Variants in KAT6B observed in about 807,000 individuals in gnomAD.
KAT6B encodes histone acetyltransferase KAT6B.
KAT6B carries 10 observed loss-of-function variants against 187.5 expected under a neutral mutation model. That is an observed-to-expected ratio of 0.05 (90% CI 0.03 to 0.09). The LOEUF (loss-of-function observed/expected upper bound fraction) is 0.09. Among genes scored for constraint, KAT6B ranks in the 10% least tolerant of loss-of-function variants. The pLI is 1.00. For synonymous variants in KAT6B, 861 were observed against 926.8 expected (o/e 0.93, Z 1.29); for missense variants, 1,952 against 2,558.9 (o/e 0.76, Z 5.12).
chr10:74,916,476 C>A (rs1847687561), intron 3 of KAT6B, among the ~76,000 whole-genome samples: 1 of 152,186 alleles, frequency 6.6e-6, no homozygotes, highest in African/African-American at 2.4e-5. Context: ...AATGAAATAT[C>A]TGCCCAGTGG....
chr10:74,920,697 G>C (rs1848044305), intron 3 of KAT6B, among the ~76,000 whole-genome samples: 1 of 152,064 alleles, frequency 6.6e-6, no homozygotes, highest in African/African-American at 2.4e-5. Context: ...TGGATAATTG[G>C]TTCTCTTGGC....
chr10:74,957,814 T>C (rs964409983), intron 3 of KAT6B, among the ~76,000 whole-genome samples: 5 of 152,248 alleles, frequency 3.3e-5, no homozygotes, highest in African/African-American at 7.2e-5. Context: ...CCCAAGGTAC[T>C]GCAGTTGAGC....
chr10:74,985,253 G>A lies in KAT6B; in HGVS notation c.2535+12G>A, dbSNP rs1842738759. 12 of 1,613,740 alleles carry A rather than the reference G, an allele frequency of 7.4e-6. No individual in the cohort carries two copies. The highest frequency in any genetic ancestry group is 9.3e-6 in the Non-Finnish European group (11 of 1,179,694). ...GATACTTCTCTAAGGTAAAACAAGA[G>A]CCAGCATGACCTTCATTTTCTTTTT... On this transcript the variant is annotated intron_variant, in intron 12 of 17. Coordinates refer to ENST00000287239, the MANE Select transcript of KAT6B (RefSeq NM_012330.4).
chr10:75,025,335 C>A, intron 17 of KAT6B, 86 bp downstream of exon 17: 2 of 1,398,194 alleles, frequency 1.4e-6, no homozygotes, highest in Admixed American at 1.8e-5. Flanking sequence ...GCGTGATGCC[C>A]AGAGGCACCT....
intron 3 of KAT6B, among the ~76,000 whole-genome samples, chr10:74,922,147 T>A (rs1848185796): frequency 6.6e-6 from 1 of 152,256 alleles, no homozygotes; most frequent in African/African-American, 2.4e-5. Context: ...CTCATGTGAT[T>A]GTATGGGTTG....
At chr10:74,923,168 A>G (rs2133079727) in intron 3 of KAT6B, among the ~76,000 whole-genome samples, 1 of 152,356 alleles carries the variant, frequency 6.6e-6, no homozygotes, top group Admixed American at 6.5e-5. Flanking sequence ...ATGCAAGACA[A>G]CTTTATCAAT....
At chr10:74,846,969 G>T (rs1241593433) in intron 3 of KAT6B, among the ~76,000 whole-genome samples, 1 of 152,190 alleles carries the variant, frequency 6.6e-6, no homozygotes, top group African/African-American at 2.4e-5. Context: ...ACTTGTGATG[G>T]AAGAGTCAGT....
intron 13 of KAT6B, among the ~76,000 whole-genome samples, chr10:74,994,548 C>T (rs1051419142): frequency 6.6e-6 from 1 of 151,718 alleles, no homozygotes; most frequent in Admixed American, 6.6e-5. Flanking sequence ...TTTGGGAGGC[C>T]GAGACAGGCG....
intron 3 of KAT6B, among the ~76,000 whole-genome samples, chr10:74,913,283 A>G (rs1847381964): frequency 6.6e-6 from 1 of 152,214 alleles, no homozygotes; most frequent in South Asian, 2.1e-4. Flanking sequence ...GAAACCACTG[A>G]TAGTACTGAA....
At chr10:74,957,679 T>C (rs1840785199) in intron 3 of KAT6B, among the ~76,000 whole-genome samples, 1 of 152,238 alleles carries the variant, frequency 6.6e-6, no homozygotes, top group South Asian at 2.1e-4. Context: ...AACATTGTTA[T>C]ATCAAATGAA....
intron 3 of KAT6B, among the ~76,000 whole-genome samples, chr10:74,854,330 G>A (rs1669245676): frequency 1.3e-5 from 2 of 152,188 alleles, no homozygotes; most frequent in Non-Finnish European, 2.9e-5. Context: ...TATGTGAAAT[G>A]CTAACTGTAC....
At chr10:74,872,683 ATT>A (rs56753846) in intron 3 of KAT6B, among the ~76,000 whole-genome samples, 3 of 143,694 alleles carry the variant, frequency 2.1e-5, no homozygotes, top group Non-Finnish European at 3.1e-5. Flanking sequence ...TGGCTAATTA[ATT>A]TTTTTTTTTT....
At chr10:74,899,987 T>A (rs1028387875) in intron 3 of KAT6B, among the ~76,000 whole-genome samples, 1 of 152,198 alleles carries the variant, frequency 6.6e-6, no homozygotes, top group African/African-American at 2.4e-5. Context: ...CTATAGTGTA[T>A]AAGTAAGTTC....
At chr10:74,860,983 C>A (rs2132286302) in intron 3 of KAT6B, among the ~76,000 whole-genome samples, 1 of 152,186 alleles carries the variant, frequency 6.6e-6, no homozygotes, top group South Asian at 2.1e-4. Flanking sequence ...ACTAAAAATG[C>A]AAAATTAGCC....
At chr10:74,829,787 G>A (rs374590476) in intron 1 of KAT6B, among the ~76,000 whole-genome samples, 36 of 151,612 alleles carry the variant, frequency 2.4e-4, no homozygotes, top group African/African-American at 8.7e-4. Flanking sequence ...GGGAGGCCGA[G>A]GTGGATGGAT....
intron 3 of KAT6B, among the ~76,000 whole-genome samples, chr10:74,882,488 G>T (rs188947060): frequency 1.1e-4 from 16 of 152,340 alleles, no homozygotes; most frequent in Admixed American, 6.5e-4. Context: ...TATTGTGTAT[G>T]AGACTAATGC....
At chr10:74,992,409 A>G (rs1843175160) in intron 13 of KAT6B, among the ~76,000 whole-genome samples, 1 of 152,234 alleles carries the variant, frequency 6.6e-6, no homozygotes, top group South Asian at 2.1e-4. Flanking sequence ...ACCAACCATC[A>G]TAGCTTAGCC....
intron 3 of KAT6B, among the ~76,000 whole-genome samples, chr10:74,923,518 T>A (rs1018109319): frequency 1.3e-5 from 2 of 152,208 alleles, no homozygotes; most frequent in African/African-American, 4.8e-5. Flanking sequence ...ATTGCTTTTT[T>A]AAATAGTTTG....
chr10:75,024,044 G>A (rs895103964), intron 16 of KAT6B: 3 of 151,778 alleles, frequency 2.0e-5, no homozygotes, highest in Non-Finnish European at 4.4e-5. Context: ...TTTTTGCTGG[G>A]CGAAAAACAT....
Sources: gnomAD v4.1 joint callset for allele counts (sites outside exome capture counted in the v4.1 genomes callset) on GRCh38, gnomAD v4.1.1 for gene constraint, MANE v1.5 for transcripts, NCBI Gene and HGNC (gene_info 2026-07-23, HGNC 2026-07-21) for gene names.